The following FSTL4 variants were observed in gnomAD, a reference collection of about 807,000 sequenced individuals.
The protein encoded by FSTL4 is follistatin-related protein 4.
In FSTL4, 28 loss-of-function variants were observed where a neutral mutation model predicts 78.2. The observed-to-expected ratio is 0.36, with a 90% CI of 0.27 to 0.49. The LOEUF (loss-of-function observed/expected upper bound fraction) is 0.49. Ranked by LOEUF, FSTL4 falls within the 20% of genes least tolerant of loss-of-function variation. FSTL4 has a pLI of 0.98. For synonymous variants in FSTL4, 422 were observed against 440.5 expected, an observed-to-expected ratio of 0.96 and a Z score of 0.53; for missense variants, 922 against 1,084.9, an observed-to-expected ratio of 0.85 and a Z score of 2.11.
intron 4 of FSTL4, among the ~76,000 whole-genome samples, chr5:133,352,477 T>C (rs1754853283): frequency 6.6e-6 from 1 of 151,980 alleles, no homozygotes; most frequent in African/African-American, 2.4e-5. Flanking sequence ...TGGTGTGATC[T>C]TGGCTCACAG....
chr5:133,293,601 G>C (rs1458464558), intron 6 of FSTL4, among the ~76,000 whole-genome samples: 1 of 152,178 alleles, frequency 6.6e-6, no homozygotes, highest in East Asian at 1.9e-4. Flanking sequence ...AGGGATGGGT[G>C]CAAGGGCTTT....
At chr5:133,285,818 A>G (rs1232789739) in intron 6 of FSTL4, among the ~76,000 whole-genome samples, 1 of 152,218 alleles carries the variant, frequency 6.6e-6, no homozygotes, top group Non-Finnish European at 1.5e-5. Flanking sequence ...TTCACTTTCC[A>G]TAAACCTCAG....
intron 6 of FSTL4, among the ~76,000 whole-genome samples, chr5:133,276,748 C>A (rs1561653515): frequency 6.6e-6 from 1 of 152,188 alleles, no homozygotes; most frequent in Non-Finnish European, 1.5e-5. Context: ...GAGATGCATA[C>A]CAAAGGCTTG....
At chr5:133,712,718 C>T in the FSTL4 span, among the ~76,000 whole-genome samples, 13 of 152,316 alleles carry the variant, frequency 8.5e-5, no homozygotes, top group Middle Eastern at 3.4e-3. Context: ...TGGATTTGTC[C>T]TGGAGACCTT....
the FSTL4 span, among the ~76,000 whole-genome samples, chr5:133,711,824 TG>T: frequency 6.6e-6 from 1 of 152,198 alleles, no homozygotes; most frequent in Non-Finnish European, 1.5e-5. Context: ...CCATGGGTGC[TG>T]GGTGAAGAAC....
At chr5:133,775,187 T>C in the FSTL4 span, among the ~76,000 whole-genome samples, 2 of 152,220 alleles carry the variant, frequency 1.3e-5, no homozygotes, top group Admixed American at 1.3e-4. Context: ...TATTTGGTGA[T>C]CCAGTATATC....
chr5:133,681,340 G>A, the FSTL4 span, among the ~76,000 whole-genome samples: 8 of 152,196 alleles, frequency 5.3e-5, no homozygotes, highest in Non-Finnish European at 1.2e-4. Context: ...GGGCATATGC[G>A]CTCCTGCCTC....
At chr5:133,341,566 C>T (rs1003914174) in intron 4 of FSTL4, among the ~76,000 whole-genome samples, 1 of 152,144 alleles carries the variant, frequency 6.6e-6, no homozygotes, top group Non-Finnish European at 1.5e-5. Flanking sequence ...ACCCTTCCCC[C>T]TCTCTGTCTG....
At chr5:133,590,645 C>T (rs1580808263) in intron 2 of FSTL4, among the ~76,000 whole-genome samples, 2 of 152,308 alleles carry the variant, frequency 1.3e-5, no homozygotes, top group Admixed American at 1.3e-4. Flanking sequence ...ATATGTATCT[C>T]TGGAGTCACA....
chr5:133,655,884 G>A, the FSTL4 span, among the ~76,000 whole-genome samples: 6 of 152,140 alleles, frequency 3.9e-5, no homozygotes, highest in African/African-American at 9.7e-5. Flanking sequence ...GAGATAGGCC[G>A]TTATTATTAC....
chr5:133,760,168 C>T, the FSTL4 span, among the ~76,000 whole-genome samples: 1 of 152,202 alleles, frequency 6.6e-6, no homozygotes, highest in Non-Finnish European at 1.5e-5. Flanking sequence ...GCATCAGGCC[C>T]TTTGGGAAGT....
chr5:133,234,070 G>T (rs1751586701), intron 7 of FSTL4, among the ~76,000 whole-genome samples: 1 of 152,184 alleles, frequency 6.6e-6, no homozygotes, highest in Admixed American at 6.5e-5. Context: ...ATAAATTAAT[G>T]AACGTGGCTG....
the FSTL4 span, among the ~76,000 whole-genome samples, chr5:133,655,649 A>G: frequency 6.6e-6 from 1 of 152,316 alleles, no homozygotes; most frequent in East Asian, 1.9e-4. Context: ...AGGGAAACGG[A>G]AAACATAAAA....
At chr5:133,478,174 C>A (rs1757959057) in intron 3 of FSTL4, among the ~76,000 whole-genome samples, 1 of 152,212 alleles carries the variant, frequency 6.6e-6, no homozygotes, top group Non-Finnish European at 1.5e-5. Context: ...TGGGAATGAG[C>A]CACATAACCG....
intron 3 of FSTL4, among the ~76,000 whole-genome samples, chr5:133,489,813 A>G (rs1188341126): frequency 6.6e-6 from 1 of 152,204 alleles, no homozygotes; most frequent in Non-Finnish European, 1.5e-5. Flanking sequence ...GACACTTATC[A>G]CTGACATTTG....
the FSTL4 span, among the ~76,000 whole-genome samples, chr5:133,824,300 C>T: frequency 0.016 from 2,387 of 152,336 alleles, 67 homozygotes; most frequent in African/African-American, 0.054. Flanking sequence ...ACAGCCCCCT[C>T]CTTGGGTTCG....
intron 7 of FSTL4, 29 bp downstream of exon 7, chr5:133,249,381 G>A: frequency 1.3e-6 from 2 of 1,597,626 alleles, no homozygotes; most frequent in South Asian, 2.2e-5. Flanking sequence ...AGGTGCGCTT[G>A]AGCTCAGAGT....
the FSTL4 span, among the ~76,000 whole-genome samples, chr5:133,656,677 T>C: frequency 6.6e-6 from 1 of 152,126 alleles, no homozygotes; most frequent in Non-Finnish European, 1.5e-5. Context: ...GTGTTGAGAA[T>C]GGCATTAGAG....
the FSTL4 span, among the ~76,000 whole-genome samples, chr5:133,690,955 G>A: frequency 1.3e-5 from 2 of 152,186 alleles, no homozygotes; most frequent in African/African-American, 4.8e-5. Context: ...CTGTCTCCCA[G>A]AGAGCTCCAT....
Sources: gnomAD v4.1 joint callset for allele counts (sites outside exome capture counted in the v4.1 genomes callset) on GRCh38, gnomAD v4.1.1 for gene constraint, MANE v1.5 for transcripts, NCBI Gene and HGNC (gene_info 2026-07-23, HGNC 2026-07-21) for gene names.